Variants in GALNT10 observed in about 807,000 individuals in gnomAD.
GALNT10 encodes polypeptide N-acetylgalactosaminyltransferase 10, also known as GalNAc transferase 10.
Under a neutral mutation model 75.0 loss-of-function variants are expected in GALNT10, and 41 were observed. That is an observed-to-expected ratio of 0.55 (90% CI 0.43 to 0.71). The LOEUF (loss-of-function observed/expected upper bound fraction) is 0.71. GALNT10 is among the 30% of genes least tolerant of loss of function. The probability of loss-of-function intolerance (pLI) is 0.00; values close to 1 mark genes in which losing one functional copy is unlikely to be tolerated. For synonymous variants in GALNT10, 302 were observed against 313.0 expected (o/e 0.96, Z 0.37); for missense variants, 727 against 818.5 (o/e 0.89, Z 1.36).
At chr5:154,271,895 C>T (rs576403718) in intron 1 of GALNT10, among the ~76,000 whole-genome samples, 1 of 152,322 alleles carries the variant, frequency 6.6e-6, no homozygotes, top group East Asian at 1.9e-4. Flanking sequence ...CTCCTTCCTG[C>T]ATAATTTTTT....
chr5:154,238,408 C>T lies in GALNT10; in HGVS notation c.159+47383C>T, dbSNP rs115670245. Among the ~76,000 whole-genome samples the T allele has an allele frequency of 1.6e-3, 250 of 151,890 alleles. 2 individuals are homozygous for T. Among genetic ancestry groups the T allele is most frequent in the African/African-American group, 5.3e-3 (219 of 41,434 alleles). ...TTCTCTGGTGAAAGCATTTTTTAGT[C>T]ATTAATTAGTAATCCACATTAATAT... is the stretch of plus-strand genomic sequence containing the variant. On this transcript the variant is annotated intron_variant, in intron 1 of 11. Coordinates refer to ENST00000297107, the MANE Select transcript of GALNT10 (RefSeq NM_198321.4).
intron 7 of GALNT10, among the ~76,000 whole-genome samples, chr5:154,397,190 C>CT (rs11349379): frequency 1.2e-3 from 175 of 142,638 alleles, no homozygotes; most frequent in South Asian, 2.0e-3. Flanking sequence ...TTCTTTTCTA[C>CT]TTTTTTTTTT....
intron 4 of GALNT10, among the ~76,000 whole-genome samples, chr5:154,364,045 T>G (rs1445797432): frequency 2.0e-5 from 3 of 152,162 alleles, no homozygotes; most frequent in Non-Finnish European, 4.4e-5. Context: ...TCGACACAAG[T>G]CCCAAATCAG....
chr5:154,370,524 G>C (rs1755548392), intron 4 of GALNT10, among the ~76,000 whole-genome samples: 1 of 152,170 alleles, frequency 6.6e-6, no homozygotes, highest in Admixed American at 6.5e-5. Flanking sequence ...GAGGCTTTGG[G>C]ATGTCAACCA....
intron 1 of GALNT10, among the ~76,000 whole-genome samples, chr5:154,263,112 C>T (rs530576020): frequency 3.9e-5 from 6 of 152,282 alleles, no homozygotes; most frequent in African/African-American, 1.4e-4. Flanking sequence ...GTTAAACACA[C>T]AGTGACCATA....
In GALNT10 at chr5:154,342,240, G is replaced by A. The variant is rs114166354; in HGVS notation, c.568+12502G>A. ...ATGAGCTAAACGATGCAATGAGGAC[G>A]TACAAGAGGGTGCTGATTTTCACAG... On this transcript the variant is annotated intron_variant, in intron 4 of 11. Transcript: ENST00000297107. Among the ~76,000 whole-genome samples, 744 of 152,306 alleles carry A rather than the reference G, an allele frequency of 4.9e-3. 6 individuals carry two copies. In the Middle Eastern group the frequency reaches 0.054, roughly 11 times the overall value.
chr5:154,261,983 A>G (rs1452219446), intron 1 of GALNT10, among the ~76,000 whole-genome samples: 8 of 152,194 alleles, frequency 5.3e-5, no homozygotes, highest in African/African-American at 1.7e-4. Flanking sequence ...GATAGCATGT[A>G]TGGAAGAGTC....
chr5:154,395,047 A>G (rs1238571367), intron 7 of GALNT10, among the ~76,000 whole-genome samples: 1 of 152,166 alleles, frequency 6.6e-6, no homozygotes, highest in African/African-American at 2.4e-5. Flanking sequence ...CTCCAAGGAG[A>G]CGGCTCAAAG....
At chr5:154,195,128 C>T (rs1447429098) in intron 1 of GALNT10, among the ~76,000 whole-genome samples, 1 of 152,212 alleles carries the variant, frequency 6.6e-6, no homozygotes, top group African/African-American at 2.4e-5. Flanking sequence ...TAAAAGATAA[C>T]CATCTAGCTT....
intron 3 of GALNT10, among the ~76,000 whole-genome samples, chr5:154,308,789 T>G (rs1754470047): frequency 6.6e-6 from 1 of 152,184 alleles, no homozygotes; most frequent in African/African-American, 2.4e-5. Context: ...GTCCCTGTCT[T>G]GAAGAGATTT....
At chr5:154,397,030 G>A (rs1756031448) in intron 7 of GALNT10, among the ~76,000 whole-genome samples, 1 of 151,852 alleles carries the variant, frequency 6.6e-6, no homozygotes, top group South Asian at 2.1e-4. Flanking sequence ...GGGAGGCTGA[G>A]GCAGGAGAAT....
intron 4 of GALNT10, among the ~76,000 whole-genome samples, chr5:154,363,260 G>A (rs527818601): frequency 6.6e-6 from 1 of 152,176 alleles, no homozygotes; most frequent in South Asian, 2.1e-4. Context: ...TTGTCACTCA[G>A]ATGTTACATT....
In GALNT10 at chr5:154,298,089, A is replaced by G. The variant is rs199678705; in HGVS notation, c.401+10A>G. On this transcript the variant is annotated intron_variant, in intron 3 of 11. Coordinates refer to ENST00000297107, the MANE Select transcript of GALNT10 (RefSeq NM_198321.4). This position sits in a 1 kb window ranked among gnomAD's most constrained non-coding sequence, Gnocchi z 4.1. ...ATATCCGGCACCCAAAGTGAGTGTAACATCTCTCAAATTCTGAGATCTAAG... is the reference window on the plus strand; with the variant it reads ...ATATCCGGCACCCAAAGTGAGTGTAGCATCTCTCAAATTCTGAGATCTAAG... The G allele has an allele frequency of 2.2e-5, 35 of 1,610,128 alleles. No homozygotes were observed. The highest frequency in any genetic ancestry group is 2.7e-5 in the Non-Finnish European group (32 of 1,177,656).
Position 154,218,015 on chromosome 5 carries a change from A to G in GALNT10, c.159+26990A>G, listed in dbSNP as rs1048734643. ...TCATTCCATGTGGTTTCTTCCTTCT[A>G]TTTCTCCTGCCAGCTCGCTTCCCCA... On this transcript the variant is annotated intron_variant, in intron 1 of 11. Coordinates refer to ENST00000297107, the MANE Select transcript of GALNT10 (RefSeq NM_198321.4). 4.2e-5 allele frequency: 41 copies of G among 985,022 alleles called. No individual in the cohort carries two copies. The African/African-American group carries it at 6.3e-4, about 15-fold the overall frequency. The allele number at this position is 985,022 out of a possible 1,614,324, so 61.0% of individuals were successfully genotyped here. A position where few individuals can be genotyped will look rare whatever the true frequency, so the allele number is the denominator to read the frequency against.
In GALNT10 at chr5:154,409,674, A is replaced by G. The variant is rs139635794; in HGVS notation, c.1298A>G (p.Lys433Arg). 723 of 1,614,152 alleles carry G rather than the reference A, an allele frequency of 4.5e-4. 7 individuals carry two copies. The East Asian group carries it at 9.6e-3, about 21-fold the overall frequency. ...AAGCTCCGCAGCTCCCTTAACTGCAAGAGTTTCAAGTGGTTTATGACGAAG... is the reference window on the plus strand; with the variant it reads ...AAGCTCCGCAGCTCCCTTAACTGCAGGAGTTTCAAGTGGTTTATGACGAAG... ...QKKLRSSLNC[K>R]SFKWFMTKIA... is the part of the protein sequence containing the mutation. The change falls in exon 9 of 12, where the codon AAG becomes AGG. Residue 433 changes from lysine (K) to arginine (R), a missense_variant. Lys to Arg is a conservative substitution (Grantham distance 26). Transcript: ENST00000297107. The surrounding 1 kb of genome is among the most constrained non-coding windows in gnomAD (Gnocchi z 4.5).
At chr5:154,250,588 A>C (rs577410081) in intron 1 of GALNT10, among the ~76,000 whole-genome samples, 79 of 152,294 alleles carry the variant, frequency 5.2e-4, no homozygotes, top group African/African-American at 1.8e-3. Context: ...AGTTCCAGAC[A>C]TCACACATAG....
chr5:154,384,470 A>C (rs1391767500), intron 6 of GALNT10, among the ~76,000 whole-genome samples: 1 of 152,172 alleles, frequency 6.6e-6, no homozygotes, highest in East Asian at 1.9e-4. Flanking sequence ...GAGTTCTTTC[A>C]TACTCTTTTC....
intron 1 of GALNT10, among the ~76,000 whole-genome samples, chr5:154,220,679 C>T (rs907446316): frequency 6.6e-6 from 1 of 152,186 alleles, no homozygotes; most frequent in African/African-American, 2.4e-5. Context: ...GGAGTTCCCA[C>T]AGCAAGAGAA....
At chr5:154,369,412 A>T (rs1017546038) in intron 4 of GALNT10, among the ~76,000 whole-genome samples, 1 of 152,058 alleles carries the variant, frequency 6.6e-6, no homozygotes, top group African/African-American at 2.4e-5. Flanking sequence ...AAAACCCCAA[A>T]AAGAATGAAA....
Sources: allele counts gnomAD v4.1 joint callset (sites outside exome capture counted in the v4.1 genomes callset), GRCh38; gene constraint gnomAD v4.1.1; non-coding constraint Gnocchi (gnomAD v3.1); transcripts MANE v1.5; gene names NCBI Gene and HGNC (gene_info 2026-07-23, HGNC 2026-07-21).